The following RDX variants were observed in gnomAD, a reference collection of about 807,000 sequenced individuals.
The protein encoded by RDX is radixin, also known as deafness, autosomal recessive 24.
A neutral mutation model predicts 83.7 loss-of-function variants in RDX; 32 were observed. That is an observed-to-expected ratio of 0.38 (90% CI 0.29 to 0.51). The LOEUF is 0.51. RDX is among the 20% of genes least tolerant of loss of function. The pLI is 0.87. For synonymous variants in RDX, 229 were observed against 222.7 expected (o/e 1.03, Z -0.25); for missense variants, 600 against 689.9 (o/e 0.87, Z 1.46).
intron 3 of RDX, among the ~76,000 whole-genome samples, chr11:110,271,038 G>A (rs927247164): frequency 2.0e-5 from 3 of 152,116 alleles, no homozygotes; most frequent in Non-Finnish European, 2.9e-5. Flanking sequence ...AGAAAAAAGT[G>A]GAGATTGGTT....
chr11:110,194,174 G>A (rs980680479), intron 15 of RDX, among the ~76,000 whole-genome samples: 1 of 152,226 alleles, frequency 6.6e-6, no homozygotes, highest in Non-Finnish European at 1.5e-5. Context: ...CTTGACAGAT[G>A]ATTTCCTCAA....
intron 15 of RDX, among the ~76,000 whole-genome samples, chr11:110,198,843 A>G (rs1010027577): frequency 6.7e-6 from 1 of 148,688 alleles, no homozygotes; most frequent in African/African-American, 2.5e-5. Context: ...TTTGAGACGG[A>G]GTCTCGCTGT....
intron 14 of RDX, among the ~76,000 whole-genome samples, chr11:110,215,503 G>A (rs1361427124): frequency 6.6e-6 from 1 of 151,826 alleles, no homozygotes; most frequent in Non-Finnish European, 1.5e-5. Flanking sequence ...TTGAAAACAG[G>A]AGCACTAAAC....
At chr11:110,226,904 T>C (rs1276320987), downstream of RDX, among the ~76,000 whole-genome samples, 1 of 152,194 alleles carries the variant, frequency 6.6e-6, no homozygotes, top group Non-Finnish European at 1.5e-5. Flanking sequence ...TATTCATTCA[T>C]ATTCCCTGTC....
Position 110,212,530 on chromosome 11 carries a change from C to CAA in RDX, c.1749-12854_1749-12853dup, listed in dbSNP as rs1863876708. Among the ~76,000 whole-genome samples, 4 of 58,276 alleles carry CAA rather than the reference C, an allele frequency of 6.9e-5. 1 individual carries two copies. The highest frequency in any genetic ancestry group is 1.4e-4 in the Non-Finnish European group (4 of 29,476). The allele number at this position is 58,276 out of a possible 152,430, so 38.2% of individuals were successfully genotyped here. On this transcript the variant is annotated intron_variant, in intron 14 of 15. Coordinates refer to the RDX transcript ENST00000528498. ...TACCAAAGCCGGGCAGAGACACAACCAAAAAAGAGAATTTTAGACCAATAT... is the reference window on the plus strand; with the variant it reads ...TACCAAAGCCGGGCAGAGACACAACCAAAAAAAAGAGAATTTTAGACCAATAT...
chr11:110,176,951 G>A (rs1862786671), intron 15 of RDX, among the ~76,000 whole-genome samples: 2 of 152,316 alleles, frequency 1.3e-5, no homozygotes, highest in East Asian at 1.9e-4. Context: ...CGGCTGGCCT[G>A]CAGCCTGCCA....
intron 1 of RDX, among the ~76,000 whole-genome samples, chr11:110,286,689 T>C (rs1199495806): frequency 1.4e-4 from 22 of 152,198 alleles, no homozygotes; most frequent in Admixed American, 1.1e-3. Flanking sequence ...CTGAACATAA[T>C]TGTGGTCTCT....
At chr11:110,288,716 A>G (rs1861088565) in intron 1 of RDX, among the ~76,000 whole-genome samples, 2 of 152,212 alleles carry the variant, frequency 1.3e-5, no homozygotes, top group South Asian at 4.1e-4. Context: ...AATTTTCTAG[A>G]TATTAACTCC....
intron 10 of RDX, among the ~76,000 whole-genome samples, chr11:110,244,969 T>G (rs991416225): frequency 5.9e-5 from 9 of 151,496 alleles, no homozygotes; most frequent in African/African-American, 1.2e-4. Flanking sequence ...TCAAAGTTTT[T>G]TTTTTTTTTT....
downstream of RDX, among the ~76,000 whole-genome samples, chr11:110,225,828 C>T (rs1451150425): frequency 1.3e-5 from 2 of 151,790 alleles, no homozygotes; most frequent in Non-Finnish European, 2.9e-5. Flanking sequence ...GGGCAGATCA[C>T]CTGAGGTTAG....
intron 14 of RDX, among the ~76,000 whole-genome samples, chr11:110,218,048 T>C (rs1019950920): frequency 6.6e-6 from 1 of 152,178 alleles, no homozygotes; most frequent in African/African-American, 2.4e-5. Context: ...TGGAGCCTAT[T>C]TACTATAGAT....
rs571348158 is a variant in RDX at position 110,269,225 on chromosome 11, G to T, written c.96+3311C>A. Among the ~76,000 whole-genome samples, 3 of 152,010 alleles carry T rather than the reference G, an allele frequency of 2.0e-5. No individual in the cohort carries two copies. In the South Asian group the frequency reaches 6.2e-4, roughly 32 times the overall value. On this transcript the variant is annotated intron_variant, in intron 3 of 13. Coordinates refer to ENST00000645495, the MANE Select transcript of RDX (RefSeq NM_002906.4). ...ACTCCTGACCTCAAGTAATCCTCCC[G>T]CCTTGGCCTCCCAAAGTGCTGGGAT... is the stretch of plus-strand genomic sequence containing the variant.
intron 12 of RDX, among the ~76,000 whole-genome samples, chr11:110,235,669 TCTC>T (rs2134307628): frequency 6.6e-6 from 1 of 152,312 alleles, no homozygotes; most frequent in African/African-American, 2.4e-5. Flanking sequence ...GAGGGCCACA[TCTC>T]CTAACATTTC....
At chr11:110,296,295 G>A (rs1419083825) in intron 1 of RDX, among the ~76,000 whole-genome samples, 172 bp downstream of exon 1, 1 of 151,944 alleles carries the variant, frequency 6.6e-6, no homozygotes, top group East Asian at 1.9e-4. Context: ...TGGCCGGCCG[G>A]GCCGTTACCA....
chr11:110,200,474 GAGAA>G (rs1863363506), intron 14 of RDX: 3 of 152,218 alleles, frequency 2.0e-5, no homozygotes, highest in Non-Finnish European at 4.4e-5. Flanking sequence ...CCTGACTGGG[GAGAA>G]TACTGGTTAC....
intron 3 of RDX, among the ~76,000 whole-genome samples, chr11:110,272,315 T>C (rs1250553818): frequency 1.3e-5 from 2 of 152,222 alleles, no homozygotes; most frequent in Non-Finnish European, 2.9e-5. Flanking sequence ...AAATACCTGC[T>C]GAAAATTATT....
At chr11:110,194,998 T>A (rs963032853) in intron 15 of RDX, among the ~76,000 whole-genome samples, 2 of 152,090 alleles carry the variant, frequency 1.3e-5, no homozygotes, top group South Asian at 4.1e-4. Context: ...TTGTTTTGTT[T>A]TGTTTTGTTT....
At chr11:110,222,375 C>T (rs994993561) in intron 14 of RDX, among the ~76,000 whole-genome samples, 1 of 152,154 alleles carries the variant, frequency 6.6e-6, no homozygotes, top group Non-Finnish European at 1.5e-5. Context: ...TTTTAAATAT[C>T]CTTAAAAGTA....
At chr11:110,280,701 AC>A (rs1163121396) in intron 1 of RDX, among the ~76,000 whole-genome samples, 1 of 152,214 alleles carries the variant, frequency 6.6e-6, no homozygotes, top group Non-Finnish European at 1.5e-5. Flanking sequence ...ACACTTTAGG[AC>A]CTGTAATCCC....
Sources: allele counts gnomAD v4.1 joint callset (sites outside exome capture counted in the v4.1 genomes callset), GRCh38; gene constraint gnomAD v4.1.1; transcripts MANE v1.5; gene names NCBI Gene and HGNC (gene_info 2026-07-23, HGNC 2026-07-21).